OSCP1: variants seen among roughly 807,000 people sequenced by gnomAD.
The protein encoded by OSCP1 is organic solute carrier partner 1.
OSCP1 carries 35 observed loss-of-function variants against 45.1 expected under a neutral mutation model. The ratio of observed to expected loss-of-function variants is 0.78; its 90% CI spans 0.59 to 1.03. The LOEUF is 1.03. Ranked by LOEUF, OSCP1 falls within the 50% of genes least tolerant of loss-of-function variation. The pLI, the probability that OSCP1 is intolerant of heterozygous loss-of-function variation, is 0.00. For synonymous variants in OSCP1, 179 were observed against 180.1 expected (o/e 0.99, Z 0.05); for missense variants, 400 against 470.7 (o/e 0.85, Z 1.39).
At chr1:36,436,396 C>T (rs1648742446) in intron 2 of OSCP1, among the ~76,000 whole-genome samples, 1 of 152,148 alleles carries the variant, frequency 6.6e-6, no homozygotes, top group African/African-American at 2.4e-5. Flanking sequence ...AGGCGTGAGC[C>T]ACCGCGCCCG....
chr1:36,442,360 A>G (rs1649255761), intron 1 of OSCP1, among the ~76,000 whole-genome samples: 1 of 152,288 alleles, frequency 6.6e-6, no homozygotes, highest in Non-Finnish European at 1.5e-5. Flanking sequence ...GTTTCTGTTC[A>G]TTATTTTTGA....
intron 4 of OSCP1, chr1:36,428,189 C>CAAAAAAAAA (rs71053930): frequency 9.4e-6 from 8 of 847,136 alleles, no homozygotes; most frequent in Admixed American, 5.9e-5. Flanking sequence ...GACTGCATCT[C>CAAAAAAAAA]AAAAAAAAAA....
chr1:36,434,767 A>T (rs1028712640), intron 2 of OSCP1, among the ~76,000 whole-genome samples: 1 of 151,380 alleles, frequency 6.6e-6, no homozygotes, highest in Non-Finnish European at 1.5e-5. Context: ...AAAAAAAAAA[A>T]AAAAGAAATT....
chr1:36,417,945 T>G lies in OSCP1; in HGVS notation c.*194A>C. 5.8e-6 allele frequency: 3 copies of G among 520,618 alleles called. No individual in the cohort carries two copies. The highest frequency in any genetic ancestry group is 3.9e-5 in the African/African-American group (2 of 51,676). The allele number at this position is 520,618 out of a possible 1,614,324, so 32.2% of individuals were successfully genotyped here. A position where few individuals can be genotyped will look rare whatever the true frequency, so the allele number is the denominator to read the frequency against. ...CAGAATATATTTCACTGAAAATATGTGTATGTGTGTGCCTTCAAGAGTGAG... is the reference window on the plus strand; with the variant it reads ...CAGAATATATTTCACTGAAAATATGGGTATGTGTGTGCCTTCAAGAGTGAG... On this transcript the variant is annotated 3_prime_UTR_variant, in exon 10 of 10. Coordinates refer to ENST00000235532, the MANE Select transcript of OSCP1 (RefSeq NM_145047.5).
intron 4 of OSCP1, chr1:36,428,606 C>A: frequency 1.7e-6 from 2 of 1,147,568 alleles, no homozygotes; most frequent in Non-Finnish European, 1.2e-6. Flanking sequence ...TGCCCAAGGT[C>A]ATGGAGCTAG....
intron 1 of OSCP1, among the ~76,000 whole-genome samples, chr1:36,442,946 G>C (rs1335845163): frequency 1.4e-5 from 2 of 138,622 alleles, no homozygotes; most frequent in African/African-American, 2.8e-5. Context: ...TTTAATGCCT[G>C]TGCTTTTAAA....
intron 1 of OSCP1, chr1:36,443,884 G>A: frequency 1.8e-6 from 2 of 1,102,340 alleles, no homozygotes; most frequent in South Asian, 2.6e-5. Flanking sequence ...ACAAACTCAT[G>A]CCTATTTTCT....
rs115659496 is a variant in OSCP1 at position 36,444,148 on chromosome 1, G to A, written c.113-5238C>T. On this transcript the variant is annotated intron_variant, in intron 1 of 9. Transcript: ENST00000235532. ...TTATCTATGAAACTTTACTTTTCAC[G>A]TTGGCATTTAATGTCTAATGTGAGC... The A allele has an allele frequency of 1.2e-3, 1,530 of 1,264,276 alleles. 20 individuals carry two copies. In the African/African-American group the frequency reaches 0.02, roughly 16 times the overall value. The allele number at this position is 1,264,276 out of a possible 1,614,324, so 78.3% of individuals were successfully genotyped here. A position where few individuals can be genotyped will look rare whatever the true frequency, so the allele number is the denominator to read the frequency against.
At chr1:36,419,387 A>G (rs1229392143) in intron 8 of OSCP1, 1 of 333,008 alleles carries the variant, frequency 3.0e-6, no homozygotes, top group African/African-American at 2.1e-5. Flanking sequence ...ATGACACAGC[A>G]CTGAAATAAC....
At chr1:36,432,106 CCA>C (rs1171589896) in intron 3 of OSCP1, among the ~76,000 whole-genome samples, 2 of 152,218 alleles carry the variant, frequency 1.3e-5, no homozygotes, top group Non-Finnish European at 2.9e-5. Context: ...CTCCCATTCT[CCA>C]CAGACCTGGA....
intron 4 of OSCP1, among the ~76,000 whole-genome samples, chr1:36,425,261 C>T (rs1443722887): frequency 1.3e-5 from 2 of 151,820 alleles, no homozygotes; most frequent in Admixed American, 6.6e-5. Context: ...GAGCTGGCAG[C>T]TTGGCATACT....
chr1:36,432,711 G>A (rs1648456111), intron 2 of OSCP1, 122 bp from the exon 3 acceptor site: 1 of 1,118,812 alleles, frequency 8.9e-7, no homozygotes, highest in Non-Finnish European at 1.3e-6. Context: ...ATACAGCTCG[G>A]GGGACCATAT....
intron 1 of OSCP1, among the ~76,000 whole-genome samples, chr1:36,449,870 C>CAAAAAAAAAAA (rs1649787085): frequency 6.5e-5 from 4 of 61,380 alleles, no homozygotes; most frequent in African/African-American, 2.3e-4. Context: ...AAAAAAAAAT[C>CAAAAAAAAAAA]AGAACCTGTT....
intron 9 of OSCP1, chr1:36,418,505 G>T: frequency 1.8e-6 from 1 of 541,236 alleles, no homozygotes; most frequent in Non-Finnish European, 3.3e-6. Flanking sequence ...GTATAGTTAA[G>T]AAACAACTTT....
At chr1:36,441,706 G>T (rs1380316987) in intron 1 of OSCP1, among the ~76,000 whole-genome samples, 1 of 137,036 alleles carries the variant, frequency 7.3e-6, no homozygotes, top group Non-Finnish European at 1.5e-5. Context: ...AACCGAGATC[G>T]CGCCACTGAA....
At chr1:36,442,197 G>A (rs1649236812) in intron 1 of OSCP1, among the ~76,000 whole-genome samples, 2 of 146,334 alleles carry the variant, frequency 1.4e-5, no homozygotes, top group Non-Finnish European at 3.0e-5. Context: ...TTGCACTCCA[G>A]CCTGGGCAAC....
chr1:36,432,559 AT>A lies in OSCP1; in HGVS notation c.297del (p.Lys99AsnfsTer45). 1 of 1,614,198 alleles carries A rather than the reference AT, an allele frequency of 6.2e-7. No homozygotes were observed. Among genetic ancestry groups the A allele is most frequent in the Non-Finnish European group, 8.5e-7 (1 of 1,180,028 alleles). ...KLYDLMTMAF[K>X]YQVLLCPRPK... ...GGTCGGGGACACAGCAATACTTGAT[AT>A]TTGAAAGCCATGGTCATCAGGTCAT... is the stretch of plus-strand genomic sequence containing the variant. On this transcript the variant is annotated frameshift_variant, in exon 3 of 10. Coordinates refer to ENST00000235532, the MANE Select transcript of OSCP1 (RefSeq NM_145047.5). LOFTEE classifies it high-confidence loss of function.
chr1:36,431,879 A>AT lies in OSCP1; in HGVS notation c.438dup (p.Tyr147IlefsTer38), dbSNP rs1374826377. Reference sequence around the variant, plus strand: ...AACTCCCCTGCAGAGAGACCACCATATATCTGCCAAAGGCAAGCAGAAAGC... The same window carrying AT: ...AACTCCCCTGCAGAGAGACCACCATATTATCTGCCAAAGGCAAGCAGAAAGC... On this transcript the variant is annotated frameshift_variant, in exon 4 of 10. Coordinates refer to ENST00000235532, the MANE Select transcript of OSCP1 (RefSeq NM_145047.5). LOFTEE classifies it high-confidence loss of function. 6.2e-7 allele frequency: 1 copy of AT among 1,612,752 alleles called. No individual in the cohort carries two copies. The highest frequency in any genetic ancestry group is 8.5e-7 in the Non-Finnish European group (1 of 1,179,886).
rs373081087 is a variant in OSCP1 at position 36,422,768 on chromosome 1, A to T, written c.749T>A (p.Met250Lys). 3.8e-6 allele frequency: 6 copies of T among 1,582,852 alleles called. No individual in the cohort carries two copies. The highest frequency in any genetic ancestry group is 5.2e-6 in the Non-Finnish European group (6 of 1,162,974). The stretch of plus-strand genomic sequence containing the variant: ...TTCACTCAGAGAAGAATTTGCTTAC[A>T]TGTTAGTTCCCAGTTTCAGGACTCG... ...GDRVLKLGTN[M>K]YSVNQPVETH... Residue 250 changes from methionine to lysine, a missense_variant and splice_region_variant, in exon 6 of 10, where the codon ATG becomes AAG. Coordinates refer to ENST00000235532, the MANE Select transcript of OSCP1 (RefSeq NM_145047.5).
Sources: allele counts gnomAD v4.1 joint callset (sites outside exome capture counted in the v4.1 genomes callset), GRCh38; gene constraint gnomAD v4.1.1; transcripts MANE v1.5; gene names NCBI Gene and HGNC (gene_info 2026-07-23, HGNC 2026-07-21).